SPAG16: variants seen among roughly 807,000 people sequenced by gnomAD.
The protein encoded by SPAG16 is sperm-associated antigen 16 protein.
SPAG16 carries 86 observed loss-of-function variants against 80.4 expected under a neutral mutation model. The ratio of observed to expected loss-of-function variants is 1.07; its 90% confidence interval spans 0.90 to 1.28. The LOEUF is 1.28. Among genes scored for constraint, SPAG16 ranks in the 50% most tolerant of loss-of-function variants. The pLI is 0.00. For missense variants in SPAG16, 870 were observed against 765.3 expected (o/e 1.14, Z -1.61); for synonymous variants, 294 against 265.9 (o/e 1.11, Z -1.03).
At chr2:214,316,592 T>G (rs575433060) in intron 15 of SPAG16, among the ~76,000 whole-genome samples, 96 of 152,316 alleles carry the variant, frequency 6.3e-4, no homozygotes, top group Admixed American at 4.5e-3. Flanking sequence ...TATACCCACC[T>G]TTTCAGGCTC....
At chr2:213,711,968 T>TAA in intron 10 of SPAG16, among the ~76,000 whole-genome samples, 1 of 152,270 alleles carries the variant, frequency 6.6e-6, no homozygotes, top group Admixed American at 6.5e-5. Flanking sequence ...TACATATATA[T>TAA]AATGTATATT....
chr2:214,044,416 C>T (rs1271255849), intron 13 of SPAG16, among the ~76,000 whole-genome samples: 1 of 152,182 alleles, frequency 6.6e-6, no homozygotes, highest in Non-Finnish European at 1.5e-5. Flanking sequence ...ACGTCCACCC[C>T]TGGACAACTT....
intron 12 of SPAG16, among the ~76,000 whole-genome samples, chr2:213,948,029 C>T (rs143157361): frequency 0.036 from 5,428 of 152,086 alleles, 147 homozygotes; most frequent in Middle Eastern, 0.092. Flanking sequence ...TTAATTTCTG[C>T]ACTTTTTTAA....
intron 10 of SPAG16, among the ~76,000 whole-genome samples, chr2:213,499,585 C>CT (rs1356081156): frequency 2.0e-5 from 3 of 152,156 alleles, no homozygotes; most frequent in African/African-American, 7.2e-5. Context: ...GTCACCCTCT[C>CT]TTTTAAAATT....
intron 10 of SPAG16, among the ~76,000 whole-genome samples, chr2:213,751,521 C>T (rs908838768): frequency 6.6e-6 from 1 of 152,184 alleles, no homozygotes; most frequent in African/African-American, 2.4e-5. Context: ...TCCATCGTTT[C>T]CTGCTCACTG....
intron 9 of SPAG16, among the ~76,000 whole-genome samples, chr2:213,408,551 C>G (rs940196210): frequency 1.0e-4 from 15 of 150,344 alleles, no homozygotes; most frequent in African/African-American, 3.8e-4. Context: ...ACTGAAAATC[C>G]CCCTAACCCA....
chr2:213,697,540 C>T (rs1195463625), intron 10 of SPAG16, among the ~76,000 whole-genome samples: 1 of 152,032 alleles, frequency 6.6e-6, no homozygotes, highest in African/African-American at 2.4e-5. Context: ...ATGAGATTAC[C>T]CTATATTTAT....
At chr2:213,926,228 C>G (rs922243672) in intron 11 of SPAG16, among the ~76,000 whole-genome samples, 5 of 151,966 alleles carry the variant, frequency 3.3e-5, no homozygotes, top group Admixed American at 2.6e-4. Context: ...CAAATATGTA[C>G]TTTATTTATT....
chr2:214,353,330 G>A (rs1008720045), intron 15 of SPAG16, among the ~76,000 whole-genome samples: 2 of 151,990 alleles, frequency 1.3e-5, no homozygotes, highest in Non-Finnish European at 2.9e-5. Flanking sequence ...TCTAAATTCT[G>A]TGATAATACT....
intron 9 of SPAG16, among the ~76,000 whole-genome samples, chr2:213,426,754 G>GGTGTGT (rs148203065): frequency 1.4e-4 from 20 of 140,544 alleles, no homozygotes; most frequent in Admixed American, 2.1e-4. Flanking sequence ...GCATAAATCT[G>GGTGTGT]GTGTGTGTGT....
rs990159671 is a variant in SPAG16 at position 214,059,184 on chromosome 2, G to A, written c.1527+45107G>A. Among the ~76,000 whole-genome samples, 8 of 58,406 alleles carry A rather than the reference G, an allele frequency of 1.4e-4. 1 individual carries two copies. Among genetic ancestry groups the A allele is most frequent in the Admixed American group, 1.3e-3 (6 of 4,560 alleles). 38.3% of individuals were successfully genotyped at this position (58,406 alleles called of 152,430 possible). On this transcript the variant is annotated intron_variant, in intron 13 of 15. Transcript: ENST00000331683. ...AGAGCAAGACTCTGTCTCTCTCTCT[G>A]TCTATATATATATATATATATATAT...
At chr2:214,127,759 G>A (rs1188750806) in intron 14 of SPAG16, among the ~76,000 whole-genome samples, 4 of 151,746 alleles carry the variant, frequency 2.6e-5, no homozygotes, top group Admixed American at 1.3e-4. Flanking sequence ...ACCCTCACCC[G>A]GCACTAGGCC....
intron 11 of SPAG16, among the ~76,000 whole-genome samples, chr2:213,910,326 T>C (rs537632427): frequency 4.9e-4 from 74 of 152,216 alleles, no homozygotes; most frequent in Non-Finnish European, 5.0e-4. Context: ...TCAGATCATA[T>C]AAATCTATTA....
chr2:213,986,778 A>G (rs1414409768), intron 12 of SPAG16, among the ~76,000 whole-genome samples: 1 of 151,428 alleles, frequency 6.6e-6, no homozygotes, highest in Non-Finnish European at 1.5e-5. Flanking sequence ...AAGAAAATAG[A>G]CTGTGTATGT....
chr2:213,827,120 G>C (rs1000027777), intron 10 of SPAG16, among the ~76,000 whole-genome samples: 1 of 151,796 alleles, frequency 6.6e-6, no homozygotes, highest in Non-Finnish European at 1.5e-5. Context: ...AGATTACTGG[G>C]TCTTATTTTC....
chr2:213,307,912 C>A (rs2063019807), intron 3 of SPAG16, among the ~76,000 whole-genome samples: 1 of 152,118 alleles, frequency 6.6e-6, no homozygotes, highest in African/African-American at 2.4e-5. Flanking sequence ...ATTTTTGGGG[C>A]AGCAAAGATC....
intron 15 of SPAG16, among the ~76,000 whole-genome samples, chr2:214,176,549 C>T (rs1436702519): frequency 6.6e-6 from 1 of 151,186 alleles, no homozygotes; most frequent in Admixed American, 6.6e-5. Flanking sequence ...AATGAAATAA[C>T]CCTATAATTT....
chr2:213,616,213 A>G (rs566601928), intron 10 of SPAG16, among the ~76,000 whole-genome samples: 3 of 152,334 alleles, frequency 2.0e-5, no homozygotes, highest in East Asian at 1.9e-4. Flanking sequence ...CAAGATAACA[A>G]TGGAAGATGT....
At chr2:213,623,803 A>G (rs2061865970) in intron 10 of SPAG16, among the ~76,000 whole-genome samples, 1 of 152,098 alleles carries the variant, frequency 6.6e-6, no homozygotes. Flanking sequence ...ACCAGAGTAA[A>G]CACCAATGAA....
Sources: gnomAD v4.1 joint callset for allele counts (sites outside exome capture counted in the v4.1 genomes callset) on GRCh38, gnomAD v4.1.1 for gene constraint, MANE v1.5 for transcripts, NCBI Gene and HGNC (gene_info 2026-07-23, HGNC 2026-07-21) for gene names.